The following SLCO2A1 variants were observed in gnomAD, a reference collection of about 807,000 sequenced individuals.
SLCO2A1 encodes the protein matrin F/G 1.
In SLCO2A1, 60 loss-of-function variants were observed where a neutral mutation model predicts 71.7. The observed-to-expected ratio is 0.84, with a 90% CI of 0.68 to 1.04. The LOEUF (loss-of-function observed/expected upper bound fraction) is 1.04, where lower values mean the gene tolerates loss of function less well. Ranked by LOEUF, SLCO2A1 falls within the 50% of genes least tolerant of loss-of-function variation. The pLI is 0.00. For missense variants in SLCO2A1, 745 were observed against 813.4 expected (o/e 0.92, Z 1.02); for synonymous variants, 308 against 326.7 (o/e 0.94, Z 0.62).
chr3:134,000,679 G>C (rs146544202), intron 1 of SLCO2A1, among the ~76,000 whole-genome samples: 166 of 152,252 alleles, frequency 1.1e-3, no homozygotes, highest in Non-Finnish European at 2.1e-3. Context: ...GTCCCTTCTG[G>C]TGCACATGGA....
chr3:133,955,308 G>A, intron 3 of SLCO2A1, 115 bp from the exon 4 acceptor site: 1 of 785,460 alleles, frequency 1.3e-6, no homozygotes, highest in Non-Finnish European at 2.0e-6. Flanking sequence ...TTTGGCCAGA[G>A]GCTGTGCTAG....
intron 3 of SLCO2A1, among the ~76,000 whole-genome samples, chr3:133,961,151 T>C (rs912539103): frequency 1.6e-4 from 24 of 152,052 alleles, no homozygotes; most frequent in African/African-American, 5.5e-4. Context: ...TTAGGAGTAA[T>C]GTGCAAGGCC....
rs1420406870 is a variant in SLCO2A1 at position 133,934,057 on chromosome 3, C to T, written c.*656G>A. 6.6e-6 allele frequency: 1 copy of T among 152,312 alleles called. No individual in the cohort carries two copies. The highest frequency in any genetic ancestry group is 1.5e-5 in the Non-Finnish European group (1 of 68,110). 9.4% of individuals were successfully genotyped at this position (152,312 alleles called of 1,614,324 possible). On this transcript the variant is annotated 3_prime_UTR_variant, in exon 14 of 14. Coordinates refer to ENST00000310926, the MANE Select transcript of SLCO2A1 (RefSeq NM_005630.3). ...CATCCTTGGGGTTTCTCAGTCCCTGCTCTGGTGCCTGCATGCAGGTAATGG... is the reference window on the plus strand; with the variant it reads ...CATCCTTGGGGTTTCTCAGTCCCTGTTCTGGTGCCTGCATGCAGGTAATGG...
Position 133,955,129 on chromosome 3 carries a change from C to T in SLCO2A1, c.462G>A (p.Lys154=). The T allele has an allele frequency of 6.2e-7, 1 of 1,614,190 alleles. No homozygotes were observed. The highest frequency in any genetic ancestry group is 1.1e-5 in the South Asian group (1 of 91,082). The change falls in exon 4 of 14, where the codon AAG becomes AAA. Residue 154 remains lysine (K), a synonymous_variant. Transcript: ENST00000310926. ...QKHWQDLPPS[K]CHSTTQNPQK... is the part of the protein sequence containing the mutation. ...GGGGGTTCTGGGTGGTGCTGTGGCA[C>T]TTACTGGGAGGCAGGTCCTGCCAAT...
intron 5 of SLCO2A1, among the ~76,000 whole-genome samples, chr3:133,951,644 A>T (rs1280085381): frequency 2.0e-5 from 3 of 151,998 alleles, no homozygotes; most frequent in African/African-American, 7.2e-5. Context: ...AAGGGAGCTG[A>T]CTCTCACTCA....
At chr3:134,015,539 T>C (rs1935432175) in intron 1 of SLCO2A1, among the ~76,000 whole-genome samples, 3 of 152,272 alleles carry the variant, frequency 2.0e-5, no homozygotes, top group African/African-American at 4.8e-5. Context: ...AGAGTGACTA[T>C]AGTCAACAAT....
chr3:133,962,321 C>A (rs1576436227), intron 3 of SLCO2A1, among the ~76,000 whole-genome samples: 5 of 152,128 alleles, frequency 3.3e-5, no homozygotes, highest in Admixed American at 2.6e-4. Context: ...CTCAGACGAT[C>A]CACCCTCCTC....
At chr3:134,028,233 C>A (rs1160934391) in intron 1 of SLCO2A1, among the ~76,000 whole-genome samples, 1 of 152,134 alleles carries the variant, frequency 6.6e-6, no homozygotes, top group Non-Finnish European at 1.5e-5. Flanking sequence ...GAGGTTGCCC[C>A]ACCCTGGTTC....
intron 11 of SLCO2A1, among the ~76,000 whole-genome samples, chr3:133,941,418 C>T (rs375274020): frequency 6.6e-6 from 1 of 152,078 alleles, no homozygotes; most frequent in Non-Finnish European, 1.5e-5. Context: ...GAGACTGAGG[C>T]TCAATGAGGT....
At chr3:133,985,985 C>A (rs1016666194) in intron 1 of SLCO2A1, among the ~76,000 whole-genome samples, 3 of 152,204 alleles carry the variant, frequency 2.0e-5, no homozygotes. Context: ...CTTGGCTAAA[C>A]CCAAACTGAA....
intron 5 of SLCO2A1, among the ~76,000 whole-genome samples, chr3:133,951,923 A>G (rs905374277): frequency 3.9e-5 from 6 of 152,246 alleles, no homozygotes; most frequent in African/African-American, 1.4e-4. Context: ...CATAATCCTT[A>G]GAAGCCTAAA....
intron 1 of SLCO2A1, among the ~76,000 whole-genome samples, chr3:134,002,990 C>G (rs1336196892): frequency 1.3e-5 from 2 of 152,236 alleles, no homozygotes; most frequent in African/African-American, 4.8e-5. Flanking sequence ...GGGAACTCCA[C>G]ACGGAGGGTC....
At chr3:133,966,345 C>T (rs1170029022) in intron 3 of SLCO2A1, among the ~76,000 whole-genome samples, 2 of 152,304 alleles carry the variant, frequency 1.3e-5, no homozygotes, top group African/African-American at 2.4e-5. Context: ...GGTGTTCAAA[C>T]ACATCAGCCA....
chr3:134,017,833 C>A (rs1241870764), intron 1 of SLCO2A1, among the ~76,000 whole-genome samples: 1 of 152,102 alleles, frequency 6.6e-6, no homozygotes, highest in Non-Finnish European at 1.5e-5. Context: ...GTCTATTACA[C>A]AAGCAAGACA....
chr3:134,006,805 A>T (rs555492239), intron 1 of SLCO2A1, among the ~76,000 whole-genome samples: 19 of 152,304 alleles, frequency 1.2e-4, no homozygotes, highest in African/African-American at 4.3e-4. Context: ...TATCTCTTTG[A>T]GACCCTGCTT....
intron 1 of SLCO2A1, among the ~76,000 whole-genome samples, chr3:133,988,609 C>T (rs568822066): frequency 1.3e-5 from 2 of 152,304 alleles, no homozygotes; most frequent in Admixed American, 6.5e-5. Flanking sequence ...GAGATGTATT[C>T]GGAGCCAGAG....
At chr3:134,007,883 T>C (rs114753663) in intron 1 of SLCO2A1, among the ~76,000 whole-genome samples, 2,188 of 152,378 alleles carry the variant, frequency 0.014, 24 homozygotes, top group South Asian at 0.06. Context: ...TCTTCATTTC[T>C]TTCACCTAAA....
At chr3:133,957,523 C>G (rs1933926577) in intron 3 of SLCO2A1, among the ~76,000 whole-genome samples, 1 of 152,180 alleles carries the variant, frequency 6.6e-6, no homozygotes, top group Admixed American at 6.5e-5. Context: ...AAACTGAAAT[C>G]AAGTCTGATG....
At position 133,968,863 on chromosome 3, in the gene SLCO2A1, C is replaced by T. The variant is rs1934256863; in HGVS notation, c.397+4800G>A. Among the ~76,000 whole-genome samples the T allele has an allele frequency of 2.0e-5, 3 of 152,350 alleles. No individual in the cohort carries two copies. In the South Asian group the frequency reaches 6.2e-4, roughly 32 times the overall value. On this transcript the variant is annotated intron_variant, in intron 3 of 13. Coordinates refer to ENST00000310926, the MANE Select transcript of SLCO2A1 (RefSeq NM_005630.3). ...TTTTTTCTCTAAAGGCGCCAGGGTA[C>T]ATTTCCGGACCCCACTGACATTTAG...
Sources: allele counts gnomAD v4.1 joint callset (sites outside exome capture counted in the v4.1 genomes callset), GRCh38; gene constraint gnomAD v4.1.1; transcripts MANE v1.5; gene names NCBI Gene and HGNC (gene_info 2026-07-23, HGNC 2026-07-21).